BPNT1: variants seen among roughly 807,000 people sequenced by gnomAD.
BPNT1 encodes the protein 3'(2'),5'-bisphosphate nucleotidase 1.
BPNT1 carries 28 observed loss-of-function variants against 36.9 expected under a neutral mutation model. The observed-to-expected ratio is 0.76, with a 90% CI of 0.56 to 1.04. BPNT1 has a LOEUF of 1.04. Ranked by LOEUF, BPNT1 falls within the 50% of genes least tolerant of loss-of-function variation. The probability of loss-of-function intolerance (pLI) is 0.00; values close to 1 mark genes in which losing one functional copy is unlikely to be tolerated. For missense variants in BPNT1, 313 were observed against 372.9 expected (o/e 0.84, Z 1.32); for synonymous variants, 119 against 130.9 (o/e 0.91, Z 0.62).
intron 4 of BPNT1, among the ~76,000 whole-genome samples, chr1:220,071,992 C>T (rs1664104354): frequency 1.3e-5 from 2 of 151,916 alleles, no homozygotes; most frequent in African/African-American, 4.8e-5. Flanking sequence ...CAGCGTGAAA[C>T]CTATACATCT....
chr1:220,058,229 G>C lies in BPNT1; in HGVS notation c.*615C>G. ...AAGATAGGAATGTTCATTGAACATT[G>C]ACCTGAACTGTCAATTGGAACTAAA... On this transcript the variant is annotated 3_prime_UTR_variant, in exon 9 of 9. Transcript: ENST00000322067. 1 of 991,938 alleles carries C rather than the reference G, an allele frequency of 1.0e-6. No individual in the cohort carries two copies. The highest frequency in any genetic ancestry group is 1.2e-6 in the Non-Finnish European group (1 of 833,302). 61.4% of individuals were successfully genotyped at this position (991,938 alleles called of 1,614,324 possible). A position where few individuals can be genotyped will look rare whatever the true frequency, so the allele number is the denominator to read the frequency against.
intron 1 of BPNT1, among the ~76,000 whole-genome samples, chr1:220,084,134 C>T (rs1655488592): frequency 6.6e-6 from 1 of 151,906 alleles, no homozygotes; most frequent in Non-Finnish European, 1.5e-5. Context: ...AGATCGAGAC[C>T]ATCCTGGCTA....
At chr1:220,075,775 G>A (rs78855572) in intron 2 of BPNT1, among the ~76,000 whole-genome samples, 41 of 152,192 alleles carry the variant, frequency 2.7e-4, no homozygotes, top group African/African-American at 9.6e-4. Context: ...TAAAAATAAG[G>A]TATCAACGGA....
rs536475044 is a variant in BPNT1 at position 220,072,635 on chromosome 1, G to A, written c.333+215C>T. On this transcript the variant is annotated intron_variant, in intron 4 of 8. Coordinates refer to ENST00000322067, the MANE Select transcript of BPNT1 (RefSeq NM_006085.6). ...TGTCCCTAAAAGTATTTTAAATAAC[G>A]GTTTTAGAGTGCAAAGGAAACCCAT... Among the ~76,000 whole-genome samples, 14 of 152,170 alleles carry A rather than the reference G, an allele frequency of 9.2e-5. 1 individual carries two copies. In the South Asian group the frequency reaches 2.1e-3, roughly 23 times the overall value.
intron 1 of BPNT1, among the ~76,000 whole-genome samples, chr1:220,081,584 C>A (rs985734387): frequency 3.3e-5 from 5 of 151,978 alleles, no homozygotes. Flanking sequence ...CCGAAATTTT[C>A]GTGACTGTCC....
rs1304406978 is a variant in BPNT1, at chr1:220,085,632, T to A, written c.-9+4054A>T. On this transcript the variant is annotated intron_variant, in intron 1 of 8. Transcript: ENST00000322067. ...TTATTTTGCAGGGACATTAGGGCAG[T>A]GTTAAGGGCAAAAAGTTCCTGTAGT... Among the ~76,000 whole-genome samples, 6 of 152,350 alleles carry A rather than the reference T, an allele frequency of 3.9e-5. No homozygotes were observed. The East Asian group carries it at 1.2e-3, about 29-fold the overall frequency.
chr1:220,067,396 G>T lies in BPNT1; in HGVS notation c.383-3C>A. 1.3e-6 allele frequency: 2 copies of T among 1,592,882 alleles called. No homozygotes were observed. Among genetic ancestry groups the T allele is most frequent in the Non-Finnish European group, 1.7e-6 (2 of 1,166,128 alleles). On this transcript the variant is annotated splice_polypyrimidine_tract_variant and splice_region_variant and intron_variant, in intron 5 of 8. Transcript: ENST00000322067. Reference sequence around the variant, plus strand: ...AACTGTTACATTGTCAAGAAGACCTGCAAAGAAGAAATAAATATCAGTTAT... The same window carrying T: ...AACTGTTACATTGTCAAGAAGACCTTCAAAGAAGAAATAAATATCAGTTAT...
chr1:220,086,280 C>CT (rs1335364358), intron 1 of BPNT1, among the ~76,000 whole-genome samples: 45 of 151,816 alleles, frequency 3.0e-4, no homozygotes, highest in Admixed American at 5.3e-4. Context: ...AATACTTTTT[C>CT]TTTTTTTTGA....
intron 7 of BPNT1, among the ~76,000 whole-genome samples, chr1:220,061,785 G>C (rs769006781): frequency 6.6e-6 from 1 of 152,004 alleles, no homozygotes; most frequent in South Asian, 2.1e-4. Flanking sequence ...ATGATATCTA[G>C]GGGACAATCA....
At chr1:220,081,281 G>A (rs1044566938) in intron 1 of BPNT1, among the ~76,000 whole-genome samples, 18 of 152,058 alleles carry the variant, frequency 1.2e-4, no homozygotes, top group Admixed American at 2.0e-4. Flanking sequence ...GGTGACTAAC[G>A]CCTGTAATCC....
chr1:220,063,192 C>T lies in BPNT1; in HGVS notation c.475-238G>A, dbSNP rs530932883. On this transcript the variant is annotated intron_variant, in intron 6 of 8. Coordinates refer to ENST00000322067, the MANE Select transcript of BPNT1 (RefSeq NM_006085.6). ...TGAAACCCCGTCTCTAATAAAAATA[C>T]AAAAAATTAGCCGGGCATGGTGGTG... Among the ~76,000 whole-genome samples the T allele has an allele frequency of 9.9e-5, 15 of 152,112 alleles. No individual in the cohort carries two copies. In the South Asian group the frequency reaches 3.1e-3, roughly 32 times the overall value.
At position 220,057,570 on chromosome 1, in the gene BPNT1, A is replaced by C. The variant is rs1290451437; in HGVS notation, c.*1274T>G. ...GGTATATTAGCAGAATAATTTTAAT[A>C]GTTTATGTTATAATCTCTCATTGGA... On this transcript the variant is annotated 3_prime_UTR_variant, in exon 9 of 9. Coordinates refer to ENST00000322067, the MANE Select transcript of BPNT1 (RefSeq NM_006085.6). 1 of 184,668 alleles carries C rather than the reference A, an allele frequency of 5.4e-6. No homozygotes were observed. The highest frequency in any genetic ancestry group is 1.2e-5 in the Non-Finnish European group (1 of 86,776). The allele number at this position is 184,668 out of a possible 1,614,324, so 11.4% of individuals were successfully genotyped here.
intron 1 of BPNT1, among the ~76,000 whole-genome samples, chr1:220,082,065 T>TATAC (rs1655181538): frequency 2.9e-5 from 2 of 70,052 alleles, no homozygotes; most frequent in Non-Finnish European, 6.1e-5. Flanking sequence ...CCAAGGACAA[T>TATAC]ATATATATAT....
intron 4 of BPNT1, among the ~76,000 whole-genome samples, chr1:220,070,129 T>A (rs987914019): frequency 2.6e-5 from 4 of 152,040 alleles, no homozygotes; most frequent in African/African-American, 7.2e-5. Flanking sequence ...GTGCTGATTT[T>A]AAAAAAACAA....
chr1:220,068,433 C>G (rs559181829), intron 5 of BPNT1, among the ~76,000 whole-genome samples: 3 of 152,004 alleles, frequency 2.0e-5, no homozygotes, highest in Non-Finnish European at 4.4e-5. Flanking sequence ...CTGCCCACCT[C>G]GGCCTCCCAA....
chr1:220,065,584 A>T (rs1318130018), intron 6 of BPNT1, among the ~76,000 whole-genome samples: 1 of 152,184 alleles, frequency 6.6e-6, no homozygotes, highest in Non-Finnish European at 1.5e-5. Flanking sequence ...CAAGGTTTGG[A>T]TTTGAGTTTG....
chr1:220,058,089 T>TG lies in BPNT1; in HGVS notation c.*754dup, dbSNP rs1662686666. ...TACTCGGGAGGCTGAGGCAGGAGAA[T>TG]GGCATGAACCCGGGAGGCGGAGCTT... is the stretch of plus-strand genomic sequence containing the variant. On this transcript the variant is annotated 3_prime_UTR_variant, in exon 9 of 9. Coordinates refer to ENST00000322067, the MANE Select transcript of BPNT1 (RefSeq NM_006085.6). 5.3e-6 allele frequency: 4 copies of TG among 751,572 alleles called. No individual in the cohort carries two copies. In the South Asian group the frequency reaches 9.8e-5, roughly 18 times the overall value. 46.6% of individuals were successfully genotyped at this position (751,572 alleles called of 1,614,324 possible).
Position 220,062,914 on chromosome 1 carries a change from A to G in BPNT1, c.515T>C (p.Val172Ala). 6.2e-7 allele frequency: 1 copy of G among 1,613,580 alleles called. No individual in the cohort carries two copies. Among genetic ancestry groups the G allele is most frequent in the Non-Finnish European group, 8.5e-7 (1 of 1,179,952 alleles). ...AAACCCAAAGGCGCCTAAACCTAAA[A>G]CTCCCCAGATTGTCCTCCCCAACAC... ...DAVLGRTIWG[V>A]LGLGAFGFQL... Residue 172 changes from valine (V) to alanine (A), a missense_variant, in exon 7 of 9, where the codon GTT becomes GCT. Coordinates refer to ENST00000322067, the MANE Select transcript of BPNT1 (RefSeq NM_006085.6).
At chr1:220,067,527 T>G in intron 5 of BPNT1, 134 bp from the exon 6 acceptor site, 1 of 503,750 alleles carries the variant, frequency 2.0e-6, no homozygotes, top group African/African-American at 2.0e-5. Context: ...TCAATCCTAT[T>G]TATAGTGAAA....
Sources: gnomAD v4.1 joint callset for allele counts (sites outside exome capture counted in the v4.1 genomes callset) on GRCh38, gnomAD v4.1.1 for gene constraint, MANE v1.5 for transcripts, NCBI Gene and HGNC (gene_info 2026-07-23, HGNC 2026-07-21) for gene names.